Variants in UBASH3A observed in about 807,000 individuals in gnomAD.
UBASH3A encodes the protein ubiquitin associated and SH3 domain containing A, also known as ubiquitin-associated and SH3 domain-containing protein A.
Under a neutral mutation model 73.5 loss-of-function variants are expected in UBASH3A, and 63 were observed. That is an observed-to-expected ratio of 0.86 (90% confidence interval 0.70 to 1.06). The LOEUF (loss-of-function observed/expected upper bound fraction) is 1.06. UBASH3A is among the 50% of genes least tolerant of loss of function. UBASH3A has a pLI of 0.00. For missense variants in UBASH3A, 860 were observed against 859.0 expected (o/e 1.00, Z -0.02); for synonymous variants, 363 against 351.1 (o/e 1.03, Z -0.38).
intron 9 of UBASH3A, among the ~76,000 whole-genome samples, chr21:42,434,178 TC>T (rs751980719): frequency 1.3e-5 from 2 of 152,148 alleles, no homozygotes; most frequent in Non-Finnish European, 2.9e-5. Context: ...CGCTACTCTT[TC>T]CCTGTTTTTT....
In UBASH3A at chr21:42,426,382, ATC is replaced by A. The variant is rs758528955; in HGVS notation, c.1047-312_1047-311del. Reference sequence around the variant, plus strand: ...ACTCAGCCTAGTGACTTAAATGTTAATCTCATTCTAAAAAAATACCTTCACAG... The same window carrying A: ...ACTCAGCCTAGTGACTTAAATGTTAATCATTCTAAAAAAATACCTTCACAG... On this transcript the variant is annotated intron_variant, in intron 7 of 14. Transcript: ENST00000319294. Among the ~76,000 whole-genome samples the A allele has an allele frequency of 2.0e-5, 3 of 152,314 alleles. 1 individual carries two copies. The highest frequency in any genetic ancestry group is 1.9e-4 in the East Asian group (1 of 5,184).
chr21:42,421,045 G>C (rs757114957), intron 7 of UBASH3A, among the ~76,000 whole-genome samples: 3 of 152,190 alleles, frequency 2.0e-5, no homozygotes, highest in African/African-American at 4.8e-5. Flanking sequence ...AGGAACTGTC[G>C]TTCAGTCTGG....
At position 42,434,872 on chromosome 21, in the gene UBASH3A, G is replaced by C. The variant is rs1187037995; in HGVS notation, c.1311G>C (p.Leu437=). ...YRPDLNFPCS[L]PRRSRGIKDF... ...CAGACCTGAATTTCCCCTGCAGTCT[G>C]CCAAGACGGAGTCGTGGGATCAAAG... is the stretch of plus-strand genomic sequence containing the variant. Residue 437 remains leucine (L), a synonymous_variant, in exon 10 of 15, where the codon CTG becomes CTC. Transcript: ENST00000319294. 6.2e-7 allele frequency: 1 copy of C among 1,614,138 alleles called. No homozygotes were observed. Among genetic ancestry groups the C allele is most frequent in the Non-Finnish European group, 8.5e-7 (1 of 1,179,972 alleles).
At chr21:42,419,002 C>G (rs2053281706) in intron 7 of UBASH3A, among the ~76,000 whole-genome samples, 1 of 152,110 alleles carries the variant, frequency 6.6e-6, no homozygotes. Context: ...AATAAATTAC[C>G]ACTAAAACAA....
At chr21:42,433,413 A>G (rs1015280102) in intron 9 of UBASH3A, among the ~76,000 whole-genome samples, 1 of 152,090 alleles carries the variant, frequency 6.6e-6, no homozygotes, top group African/African-American at 2.4e-5. Context: ...AGGCACCCAC[A>G]TCCTCACAGG....
intron 5 of UBASH3A, among the ~76,000 whole-genome samples, chr21:42,415,654 G>A (rs749183705): frequency 9.2e-5 from 14 of 152,206 alleles, no homozygotes; most frequent in Non-Finnish European, 1.5e-4. Flanking sequence ...CAGCCTTGGC[G>A]AGCAGGCGCT....
At chr21:42,437,625 G>GAGAATAGCCCCAA in intron 11 of UBASH3A, 45 bp downstream of exon 11, 1 of 1,553,612 alleles carries the variant, frequency 6.4e-7, no homozygotes, top group East Asian at 2.2e-5. Context: ...CTTGACCTTG[G>GAGAATAGCCCCAA]GGCTATTCTC....
intron 14 of UBASH3A, among the ~76,000 whole-genome samples, chr21:42,446,456 GTTGGCAT>G (rs1187541238): frequency 6.6e-6 from 1 of 152,162 alleles, no homozygotes; most frequent in Non-Finnish European, 1.5e-5. Flanking sequence ...CCCCCTGCCA[GTTGGCAT>G]TTTTGTAAAT....
intron 7 of UBASH3A, among the ~76,000 whole-genome samples, chr21:42,422,555 C>T (rs115573698): frequency 5.3e-5 from 8 of 152,260 alleles, no homozygotes; most frequent in Admixed American, 1.3e-4. Context: ...CCTAATCCCA[C>T]GCTTGGGCTT....
chr21:42,435,082 TGAG>T, intron 10 of UBASH3A, 128 bp downstream of exon 10: 4 of 1,252,744 alleles, frequency 3.2e-6, no homozygotes, highest in Non-Finnish European at 3.3e-6. Flanking sequence ...TCCAGTCTGC[TGAG>T]GAGGCTGGGG....
chr21:42,413,621 G>T lies in UBASH3A; in HGVS notation c.667+98G>T. On this transcript the variant is annotated intron_variant, in intron 5 of 14. Coordinates refer to ENST00000319294, the MANE Select transcript of UBASH3A (RefSeq NM_018961.4). The surrounding 1 kb of genome is among the most constrained non-coding windows in gnomAD (Gnocchi z 4.5). ...TGGTTTTTAAAATGCTTAGCTATAT[G>T]CCAACAGCCTGGGAAAGTGCCCCAG... 1 of 901,116 alleles carries T rather than the reference G, an allele frequency of 1.1e-6. No homozygotes were observed. The highest frequency in any genetic ancestry group is 1.7e-5 in the South Asian group (1 of 58,916). The allele number at this position is 901,116 out of a possible 1,614,324, so 55.8% of individuals were successfully genotyped here.
chr21:42,415,907 C>T lies in UBASH3A; in HGVS notation c.668-535C>T, dbSNP rs143975236. On this transcript the variant is annotated intron_variant, in intron 5 of 14. Coordinates refer to ENST00000319294, the MANE Select transcript of UBASH3A (RefSeq NM_018961.4). ...TGCTCTGCTCAGACTGACCTGAGAGCCCCTGGCAGGACCAGGGAGGGCTAG... is the reference window on the plus strand; with the variant it reads ...TGCTCTGCTCAGACTGACCTGAGAGTCCCTGGCAGGACCAGGGAGGGCTAG... Among the ~76,000 whole-genome samples the T allele has an allele frequency of 7.2e-5, 11 of 152,294 alleles. No individual in the cohort carries two copies. The East Asian group carries it at 9.6e-4, about 13-fold the overall frequency.
At chr21:42,415,006 C>G (rs2053173025) in intron 5 of UBASH3A, among the ~76,000 whole-genome samples, 1 of 152,182 alleles carries the variant, frequency 6.6e-6, no homozygotes. Flanking sequence ...CCTTCCATGG[C>G]CCATGCTCTC....
chr21:42,435,013 T>A (rs1466849165), intron 10 of UBASH3A, 59 bp downstream of exon 10: 8 of 1,594,678 alleles, frequency 5.0e-6, no homozygotes, highest in Non-Finnish European at 6.8e-6. Context: ...TGATTATGGC[T>A]AGCAGGCATC....
intron 7 of UBASH3A, among the ~76,000 whole-genome samples, chr21:42,419,456 A>G (rs999084635): frequency 1.3e-5 from 2 of 152,202 alleles, no homozygotes; most frequent in African/African-American, 2.4e-5. Flanking sequence ...CCTGCTCTCC[A>G]TGGACAATTT....
chr21:42,424,869 C>T (rs909723768), intron 7 of UBASH3A, among the ~76,000 whole-genome samples: 1 of 152,004 alleles, frequency 6.6e-6, no homozygotes, highest in Non-Finnish European at 1.5e-5. Context: ...GTCTGGTGTC[C>T]TTATAAGAAG....
Position 42,447,198 on chromosome 21 carries a change from C to A in UBASH3A, c.*4C>A. 1 of 1,613,260 alleles carries A rather than the reference C, an allele frequency of 6.2e-7. No homozygotes were observed. The highest frequency in any genetic ancestry group is 8.5e-7 in the Non-Finnish European group (1 of 1,179,672). ...GAACTGGATCTCAGGCAACTGAGAGCCACGGTGATGTTGTCATAACCTCAG... is the reference window on the plus strand; with the variant it reads ...GAACTGGATCTCAGGCAACTGAGAGACACGGTGATGTTGTCATAACCTCAG... On this transcript the variant is annotated 3_prime_UTR_variant, in exon 15 of 15. Transcript: ENST00000319294.
intron 14 of UBASH3A, 65 bp from the exon 15 acceptor site, chr21:42,446,992 G>C: frequency 6.4e-7 from 1 of 1,553,650 alleles, no homozygotes; most frequent in Non-Finnish European, 8.7e-7. Flanking sequence ...GTTGGCTTTG[G>C]AGCTAGTCTG....
intron 5 of UBASH3A, 25 bp from the exon 6 acceptor site, chr21:42,416,417 C>T: frequency 6.5e-7 from 1 of 1,535,318 alleles, no homozygotes; most frequent in Non-Finnish European, 8.8e-7. Flanking sequence ...GTCCTGGCAC[C>T]CTCTGTGTTT....
Sources: gnomAD v4.1 joint callset for allele counts (sites outside exome capture counted in the v4.1 genomes callset) on GRCh38, gnomAD v4.1.1 for gene constraint, Gnocchi (gnomAD v3.1) non-coding constraint, MANE v1.5 for transcripts, NCBI Gene and HGNC (gene_info 2026-07-23, HGNC 2026-07-21) for gene names.